Variants in XYLT1 observed in about 807,000 individuals in gnomAD.
The protein encoded by XYLT1 is beta-D-xylosyltransferase 1.
In XYLT1, 36 loss-of-function variants were observed where a neutral mutation model predicts 91.3. That is an observed-to-expected ratio of 0.39 (90% CI 0.30 to 0.52). The LOEUF (loss-of-function observed/expected upper bound fraction) is 0.52, where lower values mean the gene tolerates loss of function less well. Ranked by LOEUF, XYLT1 falls within the 20% of genes least tolerant of loss-of-function variation. XYLT1 has a pLI of 0.68. For missense variants in XYLT1, 1,242 were observed against 1,284.5 expected (o/e 0.97, Z 0.51); for synonymous variants, 588 against 532.0 (o/e 1.11, Z -1.45).
chr16:17,423,045 G>A (rs762849346), intron 1 of XYLT1, among the ~76,000 whole-genome samples: 1 of 152,172 alleles, frequency 6.6e-6, no homozygotes, highest in African/African-American at 2.4e-5. Flanking sequence ...TCATCCAAAT[G>A]TGGGACCTTC....
At chr16:17,431,454 A>G (rs1268072164) in intron 1 of XYLT1, among the ~76,000 whole-genome samples, 1 of 152,214 alleles carries the variant, frequency 6.6e-6, no homozygotes, top group East Asian at 1.9e-4. Flanking sequence ...AAAAGAAAAG[A>G]AGGAAAACCT....
In XYLT1 at chr16:17,275,097, G is replaced by C. The variant is rs564120368; in HGVS notation, c.403-15599C>G. Among the ~76,000 whole-genome samples, 4 of 152,124 alleles carry C rather than the reference G, an allele frequency of 2.6e-5. No homozygotes were observed. The South Asian group carries it at 8.3e-4, about 32-fold the overall frequency. On this transcript the variant is annotated intron_variant, in intron 2 of 11. Coordinates refer to ENST00000261381, the MANE Select transcript of XYLT1 (RefSeq NM_022166.4). The stretch of plus-strand genomic sequence containing the variant: ...GAGGCTGAGGGAGGAAAAACGCTTG[G>C]ACCTGGGAGGTGGGGGTTGTAGTGA...
intron 2 of XYLT1, among the ~76,000 whole-genome samples, chr16:17,353,353 A>T (rs56378340): frequency 6.6e-6 from 1 of 151,844 alleles, no homozygotes; most frequent in Non-Finnish European, 1.5e-5. Flanking sequence ...AGGGTGGGGG[A>T]AGTGAGGGCA....
At position 17,107,735 on chromosome 16, in the gene XYLT1, TTTGTGAGTTTCATCGCGTTGCC is replaced by T. The variant is rs1382794472; in HGVS notation, c.*938_*959del. 5 of 152,644 alleles carry T rather than the reference TTTGTGAGTTTCATCGCGTTGCC, an allele frequency of 3.3e-5. No homozygotes were observed. The highest frequency in any genetic ancestry group is 7.3e-5 in the Non-Finnish European group (5 of 68,076). The allele number at this position is 152,644 out of a possible 1,614,324, so 9.5% of individuals were successfully genotyped here. A position where few individuals can be genotyped will look rare whatever the true frequency, so the allele number is the denominator to read the frequency against. ...TCAGGAGTTTTGCTCCAAGCATTGC[TTTGTGAGTTTCATCGCGTTGCC>T]TTGTGAGTTTCATGGTCATGGCTGT... On this transcript the variant is annotated 3_prime_UTR_variant, in exon 12 of 12. Transcript: ENST00000261381.
intron 3 of XYLT1, among the ~76,000 whole-genome samples, chr16:17,221,705 C>T (rs2032971146): frequency 6.6e-6 from 1 of 152,138 alleles, no homozygotes; most frequent in African/African-American, 2.4e-5. Flanking sequence ...CGCCACTGTA[C>T]TCTAACCTGG....
At chr16:17,316,145 T>G (rs1435791131) in intron 2 of XYLT1, among the ~76,000 whole-genome samples, 1 of 152,194 alleles carries the variant, frequency 6.6e-6, no homozygotes. Flanking sequence ...TGATCAATTT[T>G]CTAGGCTGTG....
intron 1 of XYLT1, among the ~76,000 whole-genome samples, chr16:17,456,332 CTTTT>C (rs869026409): frequency 9.5e-4 from 109 of 114,144 alleles, no homozygotes; most frequent in African/African-American, 3.8e-3. Context: ...CAGTACAAAC[CTTTT>C]TTTTTTTTTT....
intron 2 of XYLT1, among the ~76,000 whole-genome samples, chr16:17,282,967 C>G (rs533943046): frequency 7.2e-5 from 11 of 151,992 alleles, no homozygotes; most frequent in South Asian, 4.2e-4. Flanking sequence ...GTCACCCCCC[C>G]CAAGTCACAC....
At chr16:17,276,382 A>T (rs895016951) in intron 2 of XYLT1, among the ~76,000 whole-genome samples, 1 of 152,182 alleles carries the variant, frequency 6.6e-6, no homozygotes, top group Non-Finnish European at 1.5e-5. Context: ...TCCAATGTCG[A>T]TTGGAAGGCC....
chr16:17,437,384 C>T (rs542083484), intron 1 of XYLT1, among the ~76,000 whole-genome samples: 1 of 152,244 alleles, frequency 6.6e-6, no homozygotes, highest in East Asian at 1.9e-4. Context: ...ACCCGGCATC[C>T]TCCGCCTCCA....
intron 2 of XYLT1, among the ~76,000 whole-genome samples, chr16:17,347,989 G>A (rs2035168632): frequency 6.6e-6 from 1 of 152,004 alleles, no homozygotes; most frequent in African/African-American, 2.4e-5. Flanking sequence ...TACAGACACA[G>A]CCAACCCATG....
At chr16:17,295,330 G>GGTTTTT (rs992386888) in intron 2 of XYLT1, among the ~76,000 whole-genome samples, 3 of 110,826 alleles carry the variant, frequency 2.7e-5, no homozygotes, top group African/African-American at 9.8e-5. Context: ...TATAGAGCCA[G>GGTTTTT]GTTTTTGTTT....
chr16:17,188,813 T>G (rs1031863975), intron 5 of XYLT1, among the ~76,000 whole-genome samples: 1 of 152,178 alleles, frequency 6.6e-6, no homozygotes, highest in Non-Finnish European at 1.5e-5. Flanking sequence ...TATGGGGTGG[T>G]GCCATTATTA....
chr16:17,254,691 G>A (rs949736655), intron 3 of XYLT1, among the ~76,000 whole-genome samples: 3 of 151,938 alleles, frequency 2.0e-5, no homozygotes, highest in African/African-American at 7.3e-5. Flanking sequence ...CACCGTGCCT[G>A]GCCTAGCTTA....
intron 2 of XYLT1, among the ~76,000 whole-genome samples, chr16:17,331,000 C>T (rs1257625608): frequency 6.6e-6 from 1 of 152,160 alleles, no homozygotes; most frequent in Non-Finnish European, 1.5e-5. Flanking sequence ...ACAGATGTTC[C>T]ACCGCCCTGC....
intron 2 of XYLT1, among the ~76,000 whole-genome samples, chr16:17,322,298 G>A (rs566910523): frequency 1.3e-5 from 2 of 152,242 alleles, no homozygotes; most frequent in Non-Finnish European, 2.9e-5. Flanking sequence ...CACCTCCTAA[G>A]CCTCACAGTA....
rs1966728389 is a variant in XYLT1 at position 17,103,086 on chromosome 16, A to T, written c.*5609T>A. 1 of 152,652 alleles carries T rather than the reference A, an allele frequency of 6.6e-6. No homozygotes were observed. The highest frequency in any genetic ancestry group is 2.4e-5 in the African/African-American group (1 of 41,460). 9.5% of individuals were successfully genotyped at this position (152,652 alleles called of 1,614,324 possible). On this transcript the variant is annotated 3_prime_UTR_variant, in exon 12 of 12. Coordinates refer to ENST00000261381, the MANE Select transcript of XYLT1 (RefSeq NM_022166.4). The stretch of plus-strand genomic sequence containing the variant: ...ATGGAAGGGTAAAGAATAGAGTCTG[A>T]AGGTAGGGAAAGGGTGATTCCTTTG...
chr16:17,372,466 AT>A (rs2035547891), intron 1 of XYLT1, among the ~76,000 whole-genome samples: 1 of 152,204 alleles, frequency 6.6e-6, no homozygotes, highest in South Asian at 2.1e-4. Flanking sequence ...CACAGTGTCA[AT>A]GGCAGACAGA....
chr16:17,384,499 C>T (rs1328624500), intron 1 of XYLT1, among the ~76,000 whole-genome samples: 1 of 151,856 alleles, frequency 6.6e-6, no homozygotes, highest in African/African-American at 2.4e-5. Context: ...GTTCAAAGCT[C>T]AGGAAGACTG....
Sources: allele counts gnomAD v4.1 joint callset (sites outside exome capture counted in the v4.1 genomes callset), GRCh38; gene constraint gnomAD v4.1.1; transcripts MANE v1.5; gene names NCBI Gene and HGNC (gene_info 2026-07-23, HGNC 2026-07-21).